Variants in EPHB1 observed in about 807,000 individuals in gnomAD.
The protein encoded by EPHB1 is ephrin type-B receptor 1.
EPHB1 carries 30 observed loss-of-function variants against 94.4 expected under a neutral mutation model. The ratio of observed to expected loss-of-function variants is 0.32; its 90% confidence interval spans 0.24 to 0.43. EPHB1 has a LOEUF of 0.43. EPHB1 is among the 20% of genes least tolerant of loss of function. The pLI, the probability that EPHB1 is intolerant of heterozygous loss-of-function variation, is 1.00. For synonymous variants in EPHB1, 522 were observed against 489.1 expected (o/e 1.07, Z -0.89); for missense variants, 1,055 against 1,308.3 (o/e 0.81, Z 2.99).
intron 12 of EPHB1, among the ~76,000 whole-genome samples, chr3:135,206,431 A>G (rs1559874776): frequency 6.6e-6 from 1 of 152,178 alleles, no homozygotes; most frequent in Non-Finnish European, 1.5e-5. Context: ...ATATGAAACT[A>G]TGTTTTGATT....
chr3:135,007,474 A>G (rs999652215), intron 3 of EPHB1, among the ~76,000 whole-genome samples: 2 of 152,162 alleles, frequency 1.3e-5, no homozygotes, highest in African/African-American at 4.8e-5. Context: ...TGATGTGCAA[A>G]CTCCAGTCAC....
At chr3:134,937,910 T>G (rs377657578) in intron 2 of EPHB1, among the ~76,000 whole-genome samples, 5 of 126,752 alleles carry the variant, frequency 3.9e-5, no homozygotes, top group Non-Finnish European at 6.5e-5. Flanking sequence ...ACTGGTTCCC[T>G]CCTTTTTTTT....
At position 135,249,438 on chromosome 3, in the gene EPHB1, C is replaced by T. The variant is rs199952206; in HGVS notation, c.2793C>T (p.Ser931=). 1.4e-5 allele frequency: 22 copies of T among 1,613,922 alleles called. No individual in the cohort carries two copies. The African/African-American group carries it at 2.4e-4, about 18-fold the overall frequency. Residue 931 remains serine (S), a synonymous_variant, in exon 15 of 16, where the codon AGC becomes AGT. Transcript: ENST00000398015. ...SAIKMVQYRD[S]FLTAGFTSLQ... is the part of the protein sequence containing the mutation. ...TCAAAATGGTCCAGTACAGGGACAG[C>T]TTCCTCACTGCTGGCTTCACCTCCC...
rs560324774 is a variant in EPHB1, at chr3:135,095,263, G to A, written c.806-11185G>A. Among the ~76,000 whole-genome samples, 262 of 152,210 alleles carry A rather than the reference G, an allele frequency of 1.7e-3. 3 individuals carry two copies. Among genetic ancestry groups the A allele is most frequent in the African/African-American group, 5.9e-3 (244 of 41,538 alleles). On this transcript the variant is annotated intron_variant, in intron 3 of 15. Transcript: ENST00000398015. ...TCAGCAGGACAGCAGGGACACAAGC[G>A]GACAACAGGTTGCAGTCTTTGACTC...
chr3:134,844,772 C>A (rs2036839312), intron 1 of EPHB1, among the ~76,000 whole-genome samples: 2 of 152,184 alleles, frequency 1.3e-5, no homozygotes, highest in Admixed American at 6.5e-5. Flanking sequence ...TGGTTAATTT[C>A]CAGGATGCTG....
intron 15 of EPHB1, among the ~76,000 whole-genome samples, chr3:135,249,892 CCTTATA>C (rs1378233430): frequency 6.6e-6 from 1 of 152,208 alleles, no homozygotes; most frequent in Non-Finnish European, 1.5e-5. Flanking sequence ...GGGAGCTTGT[CCTTATA>C]CTTAGATAGC....
intron 12 of EPHB1, among the ~76,000 whole-genome samples, chr3:135,219,217 T>C (rs1245853285): frequency 6.6e-6 from 1 of 152,118 alleles, no homozygotes; most frequent in Non-Finnish European, 1.5e-5. Context: ...AAAGGTGTGT[T>C]AGCTCTGGAA....
rs550044612 is a variant in EPHB1, at chr3:135,161,928, A to G, written c.1423-90A>G. The stretch of plus-strand genomic sequence containing the variant: ...GCTAGCAGATATGCAGGACCAAGAA[A>G]TGATGGGGCCTGAATACTCCAGGGT... On this transcript the variant is annotated intron_variant, in intron 6 of 15. Transcript: ENST00000398015. The G allele has an allele frequency of 2.0e-5, 28 of 1,394,270 alleles. No individual in the cohort carries two copies. In the South Asian group the frequency reaches 3.8e-4, roughly 19 times the overall value. The allele number at this position is 1,394,270 out of a possible 1,614,324, so 86.4% of individuals were successfully genotyped here.
At chr3:135,052,754 G>A (rs1420017881) in intron 3 of EPHB1, among the ~76,000 whole-genome samples, 8 of 147,148 alleles carry the variant, frequency 5.4e-5, no homozygotes, top group African/African-American at 1.0e-4. Flanking sequence ...CCAGCTACTC[G>A]GGAGGCTGAG....
chr3:134,877,141 A>G (rs1388690196), intron 1 of EPHB1, among the ~76,000 whole-genome samples: 1 of 152,154 alleles, frequency 6.6e-6, no homozygotes, highest in African/African-American at 2.4e-5. Context: ...TCCTGGCAAT[A>G]GGCGTAGACC....
intron 3 of EPHB1, among the ~76,000 whole-genome samples, chr3:135,076,971 G>T (rs2107784928): frequency 6.6e-6 from 1 of 152,258 alleles, no homozygotes; most frequent in South Asian, 2.1e-4. Flanking sequence ...TTACGGGGTG[G>T]TAGACATGCT....
intron 1 of EPHB1, among the ~76,000 whole-genome samples, chr3:134,918,112 T>G (rs771273616): frequency 6.6e-6 from 1 of 152,258 alleles, no homozygotes; most frequent in African/African-American, 2.4e-5. Context: ...CTCTGTGCTC[T>G]GAAGTTACTT....
intron 3 of EPHB1, among the ~76,000 whole-genome samples, chr3:135,007,647 A>G (rs1449641437): frequency 1.3e-5 from 2 of 152,222 alleles, no homozygotes; most frequent in East Asian, 3.9e-4. Context: ...TCCTTCACAT[A>G]TTGTGCTGCA....
rs116325938 is a variant in EPHB1 at position 135,187,443 on chromosome 3, G to A, written c.1883-5133G>A. 8.8e-3 allele frequency among the ~76,000 whole-genome samples: 1,333 copies of A among 152,266 alleles called. 6 individuals are homozygous for A. The highest frequency in any genetic ancestry group is 0.015 in the Non-Finnish European group (1,011 of 68,016). ...AGCTCTTTAGAGTTCAGATGATGGC[G>A]AATCGAAGTACCACAGACATCAAGT... On this transcript the variant is annotated intron_variant, in intron 10 of 15. Transcript: ENST00000398015.
intron 10 of EPHB1, among the ~76,000 whole-genome samples, chr3:135,181,196 T>G (rs1050967272): frequency 1.2e-4 from 18 of 152,210 alleles, no homozygotes; most frequent in Non-Finnish European, 2.5e-4. Context: ...GTTTCCCTCT[T>G]GAATAGCTTC....
intron 3 of EPHB1, among the ~76,000 whole-genome samples, chr3:135,028,530 C>T (rs1252524156): frequency 4.9e-5 from 7 of 144,102 alleles, no homozygotes; most frequent in Admixed American, 1.4e-4. Flanking sequence ...TGTAGGTGAG[C>T]GGTTTTGAGT....
chr3:134,874,665 C>A (rs1276674947), intron 1 of EPHB1, among the ~76,000 whole-genome samples: 1 of 152,160 alleles, frequency 6.6e-6, no homozygotes, highest in Non-Finnish European at 1.5e-5. Context: ...CCTGGATGAC[C>A]GGCAAGACTC....
At chr3:134,938,356 C>A (rs561549358) in intron 2 of EPHB1, among the ~76,000 whole-genome samples, 2 of 152,280 alleles carry the variant, frequency 1.3e-5, no homozygotes, top group South Asian at 2.1e-4. Flanking sequence ...CTGGTAGAAA[C>A]CTGGGTGTGA....
intron 6 of EPHB1, among the ~76,000 whole-genome samples, chr3:135,158,324 T>A (rs912784846): frequency 2.6e-5 from 4 of 152,202 alleles, no homozygotes; most frequent in Non-Finnish European, 5.9e-5. Context: ...GTCAGCAAGC[T>A]TTTCCTGTAA....
Sources: allele counts gnomAD v4.1 joint callset (sites outside exome capture counted in the v4.1 genomes callset), GRCh38; gene constraint gnomAD v4.1.1; transcripts MANE v1.5; gene names NCBI Gene and HGNC (gene_info 2026-07-23, HGNC 2026-07-21).